The following GMDS variants were observed in gnomAD, a reference collection of about 807,000 sequenced individuals.
The protein encoded by GMDS is GDP-mannose 4,6 dehydratase.
GMDS carries 20 observed loss-of-function variants against 49.9 expected under a neutral mutation model. That is an observed-to-expected ratio of 0.40 (90% CI 0.28 to 0.58). The LOEUF is 0.58. GMDS is among the 20% of genes least tolerant of loss of function. GMDS has a pLI of 0.42. For missense variants in GMDS, 362 were observed against 481.4 expected, an observed-to-expected ratio of 0.75 and a Z score of 2.32; for synonymous variants, 177 against 178.6, an observed-to-expected ratio of 0.99 and a Z score of 0.07.
At chr6:1,862,796 G>A (rs183595053) in intron 7 of GMDS, among the ~76,000 whole-genome samples, 60 of 152,136 alleles carry the variant, frequency 3.9e-4, no homozygotes, top group African/African-American at 1.4e-3. Flanking sequence ...AAAATAATGG[G>A]GATAACATAA....
chr6:2,067,945 G>T (rs928627619), intron 4 of GMDS, among the ~76,000 whole-genome samples: 116 of 151,180 alleles, frequency 7.7e-4, no homozygotes, highest in Non-Finnish European at 1.3e-3. Context: ...TACCAAAGCC[G>T]GGCAGAGACA....
chr6:1,997,383 C>A (rs916723465), intron 4 of GMDS, among the ~76,000 whole-genome samples: 1 of 151,684 alleles, frequency 6.6e-6, no homozygotes, highest in Non-Finnish European at 1.5e-5. Flanking sequence ...TGGCACACGC[C>A]TGTAGTCCCA....
intron 4 of GMDS, among the ~76,000 whole-genome samples, chr6:2,064,335 C>A (rs1771394109): frequency 6.6e-6 from 1 of 151,954 alleles, no homozygotes; most frequent in African/African-American, 2.4e-5. Flanking sequence ...TTTTGGAAAT[C>A]AGAATAAGAA....
chr6:1,857,761 TTTTG>T (rs890561927), intron 7 of GMDS, among the ~76,000 whole-genome samples: 5 of 152,326 alleles, frequency 3.3e-5, no homozygotes, highest in African/African-American at 7.2e-5. Context: ...GACTTCTTGG[TTTTG>T]TTTATTAATA....
At chr6:1,629,970 A>C (rs1159255342) in intron 9 of GMDS, among the ~76,000 whole-genome samples, 1 of 152,206 alleles carries the variant, frequency 6.6e-6, no homozygotes, top group African/African-American at 2.4e-5. Flanking sequence ...CCTACTTGTC[A>C]ATAAAGCTTA....
At chr6:1,783,788 G>C (rs1361986047) in intron 7 of GMDS, among the ~76,000 whole-genome samples, 1 of 152,170 alleles carries the variant, frequency 6.6e-6, no homozygotes, top group African/African-American at 2.4e-5. Flanking sequence ...AAGGAAGCTT[G>C]CTCATTCACA....
chr6:1,666,397 T>C (rs2113265594), intron 9 of GMDS, among the ~76,000 whole-genome samples: 1 of 152,290 alleles, frequency 6.6e-6, no homozygotes, highest in East Asian at 1.9e-4. Flanking sequence ...GAAATATGGT[T>C]AAGTGCTAAG....
At chr6:2,005,181 G>T (rs1167056162) in intron 4 of GMDS, among the ~76,000 whole-genome samples, 1 of 152,116 alleles carries the variant, frequency 6.6e-6, no homozygotes, top group Non-Finnish European at 1.5e-5. Flanking sequence ...AATAAGGCTT[G>T]TGTCTGGAAT....
At chr6:2,006,010 C>T (rs1229696460) in intron 4 of GMDS, among the ~76,000 whole-genome samples, 1 of 152,110 alleles carries the variant, frequency 6.6e-6, no homozygotes, top group Non-Finnish European at 1.5e-5. Context: ...CCATTTTATA[C>T]ACTAATGACC....
At chr6:1,855,010 A>T (rs559440505) in intron 7 of GMDS, among the ~76,000 whole-genome samples, 24 of 152,362 alleles carry the variant, frequency 1.6e-4, no homozygotes, top group African/African-American at 5.8e-4. Context: ...GAAAAAAAAT[A>T]AAAGTTCCTC....
At chr6:2,054,784 G>A (rs1020641992) in intron 4 of GMDS, among the ~76,000 whole-genome samples, 1 of 151,738 alleles carries the variant, frequency 6.6e-6, no homozygotes. Flanking sequence ...TGGAACAAAT[G>A]TAACAGAATC....
chr6:1,758,204 C>T (rs1269515303), intron 7 of GMDS, among the ~76,000 whole-genome samples: 3 of 152,204 alleles, frequency 2.0e-5, no homozygotes, highest in Non-Finnish European at 2.9e-5. Flanking sequence ...GAGAAGGCCT[C>T]CTCATTTTCT....
At position 2,212,707 on chromosome 6, in the gene GMDS, T is replaced by TAAAAAAA. The variant is rs35503764; in HGVS notation, c.102+32607_102+32613dup. Among the ~76,000 whole-genome samples, 31 of 113,560 alleles carry TAAAAAAA rather than the reference T, an allele frequency of 2.7e-4. 1 individual carries two copies. The highest frequency in any genetic ancestry group is 1.4e-3 in the South Asian group (5 of 3,616). The allele number at this position is 113,560 out of a possible 152,430, so 74.5% of individuals were successfully genotyped here. ...CTTATACCAAAATTAGATTAACTTGTAAAAAAAAAAAAAAAAAAAAAACTA... is the reference window on the plus strand; with the variant it reads ...CTTATACCAAAATTAGATTAACTTGTAAAAAAAAAAAAAAAAAAAAAAAAAAAAACTA... On this transcript the variant is annotated intron_variant, in intron 1 of 10. Coordinates refer to ENST00000380815, the MANE Select transcript of GMDS (RefSeq NM_001500.4).
intron 9 of GMDS, among the ~76,000 whole-genome samples, chr6:1,721,941 TACTC>T (rs540477885): frequency 9.3e-4 from 141 of 152,148 alleles, no homozygotes; most frequent in African/African-American, 3.4e-3. Context: ...TGCTTAGTAA[TACTC>T]ACTAGAAGCT....
intron 7 of GMDS, among the ~76,000 whole-genome samples, chr6:1,783,460 A>C (rs1377816262): frequency 6.6e-6 from 1 of 152,224 alleles, no homozygotes; most frequent in Non-Finnish European, 1.5e-5. Flanking sequence ...CTGTATCCCT[A>C]ATGCCTGACT....
chr6:1,985,880 T>C (rs908146136), intron 4 of GMDS, among the ~76,000 whole-genome samples: 7 of 152,310 alleles, frequency 4.6e-5, no homozygotes, highest in African/African-American at 1.7e-4. Flanking sequence ...TCTTAAAATC[T>C]AGCTTAGAGG....
At chr6:2,149,920 CAT>C (rs1419422085) in intron 1 of GMDS, among the ~76,000 whole-genome samples, 1 of 152,076 alleles carries the variant, frequency 6.6e-6, no homozygotes, top group African/African-American at 2.4e-5. Flanking sequence ...ATCTTCTTCA[CAT>C]GTCTTAAAAT....
chr6:2,099,327 A>ATAATGT (rs1221355526), intron 4 of GMDS, among the ~76,000 whole-genome samples: 1 of 152,190 alleles, frequency 6.6e-6, no homozygotes, highest in African/African-American at 2.4e-5. Context: ...CTTAGTTTTC[A>ATAATGT]TAATCACATC....
At position 1,998,702 on chromosome 6, in the gene GMDS, T is replaced by A. The variant is rs185446244; in HGVS notation, c.346-37736A>T. 5.8e-4 allele frequency among the ~76,000 whole-genome samples: 88 copies of A among 152,304 alleles called. 2 individuals are homozygous for A. The highest frequency in any genetic ancestry group is 2.0e-3 in the African/African-American group (85 of 41,554). ...AATGTATTAGGTATTATAAGTTATC[T>A]AAGACGATTTGAAAAATACAGCAGG... On this transcript the variant is annotated intron_variant, in intron 4 of 10. Coordinates refer to ENST00000380815, the MANE Select transcript of GMDS (RefSeq NM_001500.4).
Sources: gnomAD v4.1 joint callset for allele counts (sites outside exome capture counted in the v4.1 genomes callset) on GRCh38, gnomAD v4.1.1 for gene constraint, MANE v1.5 for transcripts, NCBI Gene and HGNC (gene_info 2026-07-23, HGNC 2026-07-21) for gene names.